The following NCOR2 variants were observed in gnomAD, a reference collection of about 807,000 sequenced individuals.
NCOR2 encodes CTG repeat protein 26.
In NCOR2, 81 loss-of-function variants were observed where a neutral mutation model predicts 262.9. That is an observed-to-expected ratio of 0.31 (90% confidence interval 0.26 to 0.37). The LOEUF (loss-of-function observed/expected upper bound fraction) is 0.37. Ranked by LOEUF, NCOR2 falls within the 10% of genes least tolerant of loss-of-function variation. The probability of loss-of-function intolerance (pLI) is 1.00; values close to 1 mark genes in which losing one functional copy is unlikely to be tolerated. For synonymous variants in NCOR2, 1,659 were observed against 1,559.3 expected (o/e 1.06, Z -1.51); for missense variants, 3,385 against 3,621.4 (o/e 0.93, Z 1.68).
At chr12:124,508,075 G>A (rs1365167166) in intron 1 of NCOR2, among the ~76,000 whole-genome samples, 1 of 152,220 alleles carries the variant, frequency 6.6e-6, no homozygotes, top group Non-Finnish European at 1.5e-5. Flanking sequence ...GCAGCGTCCA[G>A]GGCGACAGAG....
chr12:124,433,585 A>C (rs987639847), intron 8 of NCOR2, among the ~76,000 whole-genome samples: 5 of 152,118 alleles, frequency 3.3e-5, no homozygotes, highest in African/African-American at 1.2e-4. Flanking sequence ...CCATGGCCCC[A>C]AGCACTGGGC....
chr12:124,468,914 A>C (rs1480378115), intron 4 of NCOR2, among the ~76,000 whole-genome samples: 1 of 10,956 alleles, frequency 9.1e-5, no homozygotes. Context: ...TCACCCCATC[A>C]TCCTCATCCT....
exon 20 of NCOR2, chr12:124,372,124 C>T (rs775569434): frequency 6.2e-7 from 1 of 1,602,086 alleles, no homozygotes; most frequent in Admixed American, 1.7e-5. Flanking sequence ...TGTGGTGGCC[C>T]TGCCGCTCCC....
intron 1 of NCOR2, among the ~76,000 whole-genome samples, chr12:124,512,849 C>G (rs531982871): frequency 2.0e-5 from 3 of 152,172 alleles, no homozygotes; most frequent in Non-Finnish European, 4.4e-5. Flanking sequence ...CTCACGCCCA[C>G]GCCTCTCGGC....
At chr12:124,524,844 A>G (rs952315255) in intron 1 of NCOR2, among the ~76,000 whole-genome samples, 1 of 151,546 alleles carries the variant, frequency 6.6e-6, no homozygotes, top group Non-Finnish European at 1.5e-5. Context: ...CACCCGCGAT[A>G]GCACTTGCTT....
chr12:124,343,690 G>A (rs1347059709), intron 32 of NCOR2, among the ~76,000 whole-genome samples: 1 of 151,392 alleles, frequency 6.6e-6, no homozygotes, highest in African/African-American at 2.4e-5. Flanking sequence ...GCAATGGCAC[G>A]ATCTCCGTTC....
chr12:124,473,086 G>T (rs755303590), exon 4 of NCOR2: 1 of 1,614,028 alleles, frequency 6.2e-7, no homozygotes, highest in Admixed American at 1.7e-5. Flanking sequence ...GTGTGCGGGG[G>T]GCTGGGGGGA....
chr12:124,399,976 A>G (rs10744175), intron 15 of NCOR2, among the ~76,000 whole-genome samples: 90,962 of 151,980 alleles, frequency 0.6, 28,826 homozygotes, highest in East Asian at 0.75. Context: ...CTACCAGGGT[A>G]GAGGCTGGGT....
chr12:124,491,263 C>T (rs1275684977), intron 1 of NCOR2, among the ~76,000 whole-genome samples: 1 of 152,238 alleles, frequency 6.6e-6, no homozygotes, highest in Non-Finnish European at 1.5e-5. Context: ...ATAATAGCAT[C>T]GTCATCATTA....
In NCOR2 at chr12:124,372,652, C is replaced by A. The variant is rs1053769546; in HGVS notation, c.2219-42G>T. On this transcript the variant is annotated intron_variant, in intron 19 of 46. Coordinates refer to ENST00000405201, the Ensembl canonical transcript of NCOR2. ...GGAAGAGGGGATGAGCAGGGTCTGG[C>A]GGGGCCTCCAGAAGAGATGCATGGC... The A allele has an allele frequency of 1.3e-6, 2 of 1,549,328 alleles. No individual in the cohort carries two copies. The highest frequency in any genetic ancestry group is 1.7e-5 in the Admixed American group (1 of 57,578).
exon 29 of NCOR2, chr12:124,348,234 G>C (rs771667242): frequency 6.2e-7 from 1 of 1,613,134 alleles, no homozygotes; most frequent in Non-Finnish European, 8.5e-7. Flanking sequence ...TCATAGGTGC[G>C]CTTGGGGGCG....
exon 29 of NCOR2, chr12:124,348,185 G>C (rs1211830666): frequency 6.2e-7 from 1 of 1,611,318 alleles, no homozygotes; most frequent in East Asian, 2.2e-5. Flanking sequence ...TTCGATGCTG[G>C]CTGAGGAGAT....
intron 1 of NCOR2, among the ~76,000 whole-genome samples, chr12:124,552,330 C>A (rs1291217717): frequency 6.6e-6 from 1 of 151,626 alleles, no homozygotes; most frequent in Non-Finnish European, 1.5e-5. Flanking sequence ...AAAAAAAAAA[C>A]CACTAAAGAA....
intron 5 of NCOR2, among the ~76,000 whole-genome samples, chr12:124,460,915 A>C (rs528069451): frequency 4.6e-5 from 7 of 152,290 alleles, no homozygotes; most frequent in African/African-American, 1.7e-4. Flanking sequence ...GCAAACAGCA[A>C]GTGCTCCAAC....
intron 30 of NCOR2, 104 bp downstream of exon 32, chr12:124,347,721 T>C: frequency 8.7e-7 from 1 of 1,155,328 alleles, no homozygotes; most frequent in Non-Finnish European, 1.3e-6. Flanking sequence ...TTCTGCATAC[T>C]TGTCCTGAGT....
At chr12:124,422,610 G>T in intron 11 of NCOR2, 55 bp from the exon 14 acceptor site, 1 of 1,604,884 alleles carries the variant, frequency 6.2e-7, no homozygotes. Context: ...TTTCCTGCGG[G>T]GCAGCCGATC....
At chr12:124,442,608 G>T (rs1325522913) in intron 7 of NCOR2, among the ~76,000 whole-genome samples, 2 of 152,216 alleles carry the variant, frequency 1.3e-5, no homozygotes, top group Non-Finnish European at 2.9e-5. Flanking sequence ...AAAGAAGAGA[G>T]ATAGAATCCA....
At chr12:124,340,183 C>CTGCCGCTGA (rs753448186) in exon 37 of NCOR2, 2 of 1,608,772 alleles carry the variant, frequency 1.2e-6, no homozygotes, top group Non-Finnish European at 1.7e-6. Context: ...CCCGCCGCTG[C>CTGCCGCTGA]TGCCGCTGCT....
chr12:124,564,407 T>TCC (rs749089583), intron 1 of NCOR2, among the ~76,000 whole-genome samples: 1 of 152,148 alleles, frequency 6.6e-6, no homozygotes, highest in Non-Finnish European at 1.5e-5. Flanking sequence ...CACCGGCAGT[T>TCC]CCCCAGTCTC....
Sources: gnomAD v4.1 joint callset for allele counts (sites outside exome capture counted in the v4.1 genomes callset) on GRCh38, gnomAD v4.1.1 for gene constraint, MANE v1.5 for transcripts, NCBI Gene and HGNC (gene_info 2026-07-23, HGNC 2026-07-21) for gene names.